THSD7B: variants seen among roughly 807,000 people sequenced by gnomAD.
THSD7B encodes the protein thrombospondin type 1 domain containing 7B.
A neutral mutation model predicts 213.6 loss-of-function variants in THSD7B; 138 were observed. The observed-to-expected ratio is 0.65, with a 90% CI of 0.56 to 0.74. The LOEUF (loss-of-function observed/expected upper bound fraction) is 0.74, where lower values mean the gene tolerates loss of function less well. Among genes scored for constraint, THSD7B ranks in the 30% least tolerant of loss-of-function variants. The pLI, the probability that THSD7B is intolerant of heterozygous loss-of-function variation, is 0.00. For missense variants in THSD7B, 1,931 were observed against 1,991.5 expected (o/e 0.97, Z 0.58); for synonymous variants, 742 against 687.0 (o/e 1.08, Z -1.25).
In THSD7B at chr2:137,594,703, G is replaced by A. The variant is rs1558853247; in HGVS notation, c.3424-21472G>A. Reference sequence around the variant, plus strand: ...ATTTTCATAGCTATTCTATGTCTTAGCATTTCCATGTAAATTTTAGGATTG... The same window carrying A: ...ATTTTCATAGCTATTCTATGTCTTAACATTTCCATGTAAATTTTAGGATTG... On this transcript the variant is annotated intron_variant, in intron 17 of 27. Coordinates refer to ENST00000409968, the MANE Select transcript of THSD7B (RefSeq NM_001316349.2). Among the ~76,000 whole-genome samples the A allele has an allele frequency of 2.0e-5, 3 of 151,816 alleles. No individual in the cohort carries two copies. The South Asian group carries it at 6.2e-4, about 32-fold the overall frequency.
chr2:137,532,485 A>C (rs892132886), intron 15 of THSD7B, among the ~76,000 whole-genome samples: 3 of 151,882 alleles, frequency 2.0e-5, no homozygotes, highest in Non-Finnish European at 4.4e-5. Flanking sequence ...AATTTAATTT[A>C]GATTTAATTT....
chr2:136,775,739 T>G (rs1681589827), intron 1 of THSD7B, among the ~76,000 whole-genome samples: 1 of 152,080 alleles, frequency 6.6e-6, no homozygotes, highest in Admixed American at 6.6e-5. Flanking sequence ...CAGCTAAAAA[T>G]TAGAAATGCT....
At chr2:137,316,690 G>C (rs374412969) in intron 12 of THSD7B, among the ~76,000 whole-genome samples, 1 of 151,418 alleles carries the variant, frequency 6.6e-6, no homozygotes, top group Non-Finnish European at 1.5e-5. Flanking sequence ...CCCTGGAGGC[G>C]GAGCTTGCAG....
At chr2:136,906,482 G>T (rs1040387166) in intron 2 of THSD7B, 1 of 152,126 alleles carries the variant, frequency 6.6e-6, no homozygotes, top group African/African-American at 2.4e-5. Flanking sequence ...TTATTGGAGA[G>T]GGGGAGTAGA....
chr2:137,586,007 A>C (rs1261982732), intron 17 of THSD7B, among the ~76,000 whole-genome samples: 2 of 150,232 alleles, frequency 1.3e-5, no homozygotes, highest in East Asian at 3.9e-4. Flanking sequence ...TTGCTTTATG[A>C]ATCTGGGTGC....
chr2:137,290,291 G>A (rs572867081), intron 12 of THSD7B, among the ~76,000 whole-genome samples: 3 of 151,964 alleles, frequency 2.0e-5, no homozygotes, highest in East Asian at 1.9e-4. Context: ...GGGTTTCACC[G>A]TATTAGCCAG....
At chr2:137,180,140 T>G (rs1680428128) in intron 7 of THSD7B, among the ~76,000 whole-genome samples, 1 of 152,148 alleles carries the variant, frequency 6.6e-6, no homozygotes, top group Admixed American at 6.6e-5. Flanking sequence ...GTGATCCATC[T>G]TATTATAACA....
chr2:137,334,757 C>G lies in THSD7B; in HGVS notation c.2500+58731C>G, dbSNP rs185388061. 9.5e-3 allele frequency among the ~76,000 whole-genome samples: 1,454 copies of G among 152,260 alleles called. 12 individuals carry two copies. The highest frequency in any genetic ancestry group is 0.015 in the Non-Finnish European group (1,029 of 68,016). On this transcript the variant is annotated intron_variant, in intron 12 of 27. Coordinates refer to ENST00000409968, the MANE Select transcript of THSD7B (RefSeq NM_001316349.2). ...AAATAGATTAACTAGATTTCTGTAA[C>G]TACTATGATTTGGCTCTGTGTCCCC...
chr2:137,192,746 T>C (rs1680682459), intron 7 of THSD7B, among the ~76,000 whole-genome samples: 7 of 152,190 alleles, frequency 4.6e-5, no homozygotes, highest in South Asian at 2.1e-4. Context: ...TAACAAATCT[T>C]GATAATAAAT....
intron 26 of THSD7B, 39 bp downstream of exon 26, chr2:137,663,614 A>T (rs1683394210): frequency 6.5e-7 from 1 of 1,538,540 alleles, no homozygotes; most frequent in South Asian, 1.2e-5. Context: ...AAATTTTCTC[A>T]TGGGAGGTCT....
chr2:137,341,229 G>A (rs990193108), intron 12 of THSD7B, among the ~76,000 whole-genome samples: 10 of 151,124 alleles, frequency 6.6e-5, no homozygotes, highest in Non-Finnish European at 1.5e-4. Flanking sequence ...TTATATGTTG[G>A]CCATTTGTAT....
intron 1 of THSD7B, among the ~76,000 whole-genome samples, chr2:136,874,773 C>A (rs546465606): frequency 5.8e-4 from 88 of 152,194 alleles, no homozygotes; most frequent in African/African-American, 2.0e-3. Context: ...GCTAACCTTG[C>A]AAATACATTT....
At chr2:137,508,024 A>G (rs1047801077) in intron 15 of THSD7B, among the ~76,000 whole-genome samples, 1 of 152,210 alleles carries the variant, frequency 6.6e-6, no homozygotes, top group Non-Finnish European at 1.5e-5. Context: ...AGATAATAGT[A>G]TCTACTTCAC....
intron 18 of THSD7B, among the ~76,000 whole-genome samples, chr2:137,617,146 G>A: frequency 6.6e-6 from 1 of 152,080 alleles, no homozygotes; most frequent in East Asian, 1.9e-4. Flanking sequence ...AAGATGACCT[G>A]GTGTATTTGT....
chr2:137,211,438 G>T lies in THSD7B; in HGVS notation c.1724-19606G>T, dbSNP rs1363610847. Among the ~76,000 whole-genome samples the T allele has an allele frequency of 2.0e-5, 3 of 148,990 alleles. No individual in the cohort carries two copies. The South Asian group carries it at 6.3e-4, about 31-fold the overall frequency. On this transcript the variant is annotated intron_variant, in intron 7 of 27. Coordinates refer to ENST00000409968, the MANE Select transcript of THSD7B (RefSeq NM_001316349.2). ...TCAAGATTTTCTCAATAAAGCCAGT[G>T]TTTTATGTGAAAAAATTAAACCATC... is the stretch of plus-strand genomic sequence containing the variant.
chr2:136,950,766 T>G (rs1005183350), intron 2 of THSD7B, among the ~76,000 whole-genome samples: 1 of 152,220 alleles, frequency 6.6e-6, no homozygotes, highest in African/African-American at 2.4e-5. Flanking sequence ...TGTTCACTAC[T>G]ATTTTGCACG....
intron 2 of THSD7B, among the ~76,000 whole-genome samples, chr2:136,910,852 G>A (rs2105023158): frequency 6.6e-6 from 1 of 151,862 alleles, no homozygotes; most frequent in Middle Eastern, 3.4e-3. Flanking sequence ...ATTTTTAAAT[G>A]ATATAAATTT....
chr2:137,467,315 ATTT>A (rs1165938643), intron 15 of THSD7B, among the ~76,000 whole-genome samples: 3 of 152,132 alleles, frequency 2.0e-5, no homozygotes, highest in Non-Finnish European at 2.9e-5. Flanking sequence ...CCTGGAATAC[ATTT>A]GTTATATACT....
At chr2:137,454,329 G>A (rs1687715318) in intron 15 of THSD7B, among the ~76,000 whole-genome samples, 2 of 152,076 alleles carry the variant, frequency 1.3e-5, no homozygotes, top group Middle Eastern at 3.4e-3. Flanking sequence ...TTTTTGAATG[G>A]CAAGGGCAAA....
Sources: gnomAD v4.1 joint callset for allele counts (sites outside exome capture counted in the v4.1 genomes callset) on GRCh38, gnomAD v4.1.1 for gene constraint, MANE v1.5 for transcripts, NCBI Gene and HGNC (gene_info 2026-07-23, HGNC 2026-07-21) for gene names.